AGR3: variants seen among roughly 807,000 people sequenced by gnomAD.
AGR3 encodes anterior gradient protein 3.
Under a neutral mutation model 24.5 loss-of-function variants are expected in AGR3, and 37 were observed. That is an observed-to-expected ratio of 1.51 (90% CI 1.16 to 1.99). The LOEUF is 1.99. AGR3 is among the 30% of genes most tolerant of loss of function. The pLI is 0.00. For missense variants in AGR3, 228 were observed against 191.1 expected, an observed-to-expected ratio of 1.19 and a Z score of -1.14; for synonymous variants, 75 against 61.6, an observed-to-expected ratio of 1.22 and a Z score of -1.02.
chr7:16,865,123 G>A, intron 3 of AGR3: 1 of 737,088 alleles, frequency 1.4e-6, no homozygotes, highest in South Asian at 1.6e-5. Flanking sequence ...GCTCGGAAGA[G>A]AAACAGAGAA....
At chr7:16,876,970 C>T (rs960698975) in intron 2 of AGR3, among the ~76,000 whole-genome samples, 5 of 152,012 alleles carry the variant, frequency 3.3e-5, no homozygotes, top group Non-Finnish European at 7.4e-5. Flanking sequence ...TGTTTTACAA[C>T]AGTTATGCTT....
At chr7:16,879,032 CTT>C (rs1782052226) in intron 1 of AGR3, among the ~76,000 whole-genome samples, 2 of 152,182 alleles carry the variant, frequency 1.3e-5, no homozygotes, top group Non-Finnish European at 2.9e-5. Flanking sequence ...CAGAAATATT[CTT>C]TGCCTTTTGA....
At chr7:16,860,606 A>T (rs772290338) in intron 6 of AGR3, 23 bp from the exon 7 acceptor site, 1 of 1,534,288 alleles carries the variant, frequency 6.5e-7, no homozygotes, top group Non-Finnish European at 9.0e-7. Flanking sequence ...AAACCAAGTC[A>T]CGAAAGTATA....
downstream of AGR3, among the ~76,000 whole-genome samples, chr7:16,856,614 C>G (rs1028814218): frequency 6.6e-6 from 1 of 152,164 alleles, no homozygotes; most frequent in Admixed American, 6.5e-5. Flanking sequence ...ACTTTTTTGA[C>G]TGTTATCTCT....
intron 3 of AGR3, among the ~76,000 whole-genome samples, chr7:16,866,984 C>T (rs1781770213): frequency 6.6e-6 from 1 of 152,210 alleles, no homozygotes; most frequent in South Asian, 2.1e-4. Flanking sequence ...TGGCTATGCT[C>T]AAGCCTAGCA....
chr7:16,875,448 T>A (rs927666811), intron 2 of AGR3, among the ~76,000 whole-genome samples: 7 of 152,194 alleles, frequency 4.6e-5, no homozygotes, highest in Admixed American at 3.9e-4. Flanking sequence ...TTTAATTCAT[T>A]TTTTATGGTC....
intron 1 of AGR3, among the ~76,000 whole-genome samples, chr7:16,880,100 CTTCCTTCTTTCCTT>C (rs1782078815): frequency 2.2e-5 from 3 of 137,558 alleles, no homozygotes; most frequent in African/African-American, 8.3e-5. Context: ...TCCTTCCTTC[CTTCCTTCTTTCCTT>C]CCTTCCTTCC....
At chr7:16,864,702 A>G (rs571180433) in intron 3 of AGR3, 3 of 1,556,488 alleles carry the variant, frequency 1.9e-6, no homozygotes, top group Non-Finnish European at 2.7e-6. Context: ...AATTTTCCCC[A>G]TACTTTTTAT....
intron 1 of AGR3, 72 bp downstream of exon 1, chr7:16,881,872 G>C: frequency 2.1e-6 from 1 of 467,438 alleles, no homozygotes; most frequent in Non-Finnish European, 4.4e-6. Context: ...CTTTTAAATA[G>C]CAAAAGGTGA....
rs1781600510 is a variant in AGR3 at position 16,859,540 on chromosome 7, A to T, written c.*42T>A. On this transcript the variant is annotated 3_prime_UTR_variant, in exon 8 of 8. Transcript: ENST00000310398. Reference sequence around the variant, plus strand: ...CAATGTGCCAGAGGTTTTCTTCATGAAATTTGACTTCTTTGAAGTGAAGGC... The same window carrying T: ...CAATGTGCCAGAGGTTTTCTTCATGTAATTTGACTTCTTTGAAGTGAAGGC... 1 of 1,385,638 alleles carries T rather than the reference A, an allele frequency of 7.2e-7. No individual in the cohort carries two copies. Among genetic ancestry groups the T allele is most frequent in the African/African-American group, 1.4e-5 (1 of 70,648 alleles). 85.8% of individuals were successfully genotyped at this position (1,385,638 alleles called of 1,614,324 possible).
In AGR3 at chr7:16,881,944, C is replaced by G. The variant is rs955558730; in HGVS notation, c.-28G>C. 2.5e-5 allele frequency: 12 copies of G among 470,916 alleles called. No individual in the cohort carries two copies. Among genetic ancestry groups the G allele is most frequent in the African/African-American group, 1.8e-4 (9 of 50,066 alleles). 29.2% of individuals were successfully genotyped at this position (470,916 alleles called of 1,614,324 possible). A position where few individuals can be genotyped will look rare whatever the true frequency, so the allele number is the denominator to read the frequency against. On this transcript the variant is annotated splice_region_variant and 5_prime_UTR_variant, in exon 1 of 8. Transcript: ENST00000310398. ...TAATCTGGAAAATTTGCTTGCTTAC[C>G]TGACTTGGCCAGTGCTCTTGTTGGA...
chr7:16,860,930 G>A (rs1476195357), intron 6 of AGR3, among the ~76,000 whole-genome samples: 2 of 152,072 alleles, frequency 1.3e-5, no homozygotes, highest in African/African-American at 4.8e-5. Flanking sequence ...GTGTTCATTT[G>A]CTTAGGATAA....
intron 3 of AGR3, among the ~76,000 whole-genome samples, chr7:16,863,056 C>T (rs573463777): frequency 2.6e-5 from 4 of 152,200 alleles, no homozygotes; most frequent in South Asian, 4.1e-4. Context: ...GGTGACAGAG[C>T]GAGACTCTGT....
chr7:16,864,865 C>G (rs987287167), intron 3 of AGR3: 2 of 866,102 alleles, frequency 2.3e-6, no homozygotes, highest in Non-Finnish European at 2.0e-6. Context: ...ATTCCAGTCA[C>G]CACTGAGGAT....
chr7:16,861,528 G>T, intron 5 of AGR3, 81 bp from the exon 6 acceptor site: 2 of 1,200,496 alleles, frequency 1.7e-6, no homozygotes, highest in Non-Finnish European at 2.4e-6. Flanking sequence ...GTGACTGTCA[G>T]TAAATTCTAT....
chr7:16,873,759 A>G, intron 3 of AGR3, 21 bp downstream of exon 3: 1 of 1,573,154 alleles, frequency 6.4e-7, no homozygotes, highest in Non-Finnish European at 8.7e-7. Flanking sequence ...AAGGAAAAAA[A>G]TGAGCTGAGA....
Position 16,859,482 on chromosome 7 carries a change from C to CA in AGR3, c.*99dup. 1 of 771,580 alleles carries CA rather than the reference C, an allele frequency of 1.3e-6. No individual in the cohort carries two copies. Among genetic ancestry groups the CA allele is most frequent in the Admixed American group, 2.9e-5 (1 of 34,596 alleles). 47.8% of individuals were successfully genotyped at this position (771,580 alleles called of 1,614,324 possible). A position where few individuals can be genotyped will look rare whatever the true frequency, so the allele number is the denominator to read the frequency against. On this transcript the variant is annotated 3_prime_UTR_variant, in exon 8 of 8. Coordinates refer to ENST00000310398, the MANE Select transcript of AGR3 (RefSeq NM_176813.5). ...TTAAAAAAACTAAATAGTAATATTA[C>CA]AAAATCTATATACTTGCACATTTAG...
chr7:16,860,016 G>C (rs1034964608), intron 7 of AGR3, among the ~76,000 whole-genome samples: 8 of 151,926 alleles, frequency 5.3e-5, no homozygotes, highest in African/African-American at 1.9e-4. Context: ...AGCATTTTGG[G>C]AGGCTGAGGT....
intron 3 of AGR3, among the ~76,000 whole-genome samples, chr7:16,867,760 G>T (rs1462863517): frequency 6.6e-6 from 1 of 152,008 alleles, no homozygotes; most frequent in Non-Finnish European, 1.5e-5. Context: ...TCTGTATCTG[G>T]CTTGTTTCAC....
Sources: allele counts gnomAD v4.1 joint callset (sites outside exome capture counted in the v4.1 genomes callset), GRCh38; gene constraint gnomAD v4.1.1; transcripts MANE v1.5; gene names NCBI Gene and HGNC (gene_info 2026-07-23, HGNC 2026-07-21).